The following MEGF8 variants were observed in gnomAD, a reference collection of about 807,000 sequenced individuals.
MEGF8 encodes multiple epidermal growth factor-like domains protein 8.
A neutral mutation model predicts 302.9 loss-of-function variants in MEGF8; 156 were observed. The ratio of observed to expected loss-of-function variants is 0.52; its 90% confidence interval spans 0.45 to 0.59. The LOEUF (loss-of-function observed/expected upper bound fraction) is 0.59, where lower values mean the gene tolerates loss of function less well. Ranked by LOEUF, MEGF8 falls within the 20% of genes least tolerant of loss-of-function variation. The probability of loss-of-function intolerance (pLI) is 0.00; values close to 1 mark genes in which losing one functional copy is unlikely to be tolerated. For synonymous variants in MEGF8, 1,621 were observed against 1,660.5 expected (o/e 0.98, Z 0.58); for missense variants, 3,345 against 3,964.5 (o/e 0.84, Z 4.20).
chr19:42,371,583 T>C, intron 41 of MEGF8, 101 bp downstream of exon 41: 1 of 1,502,736 alleles, frequency 6.7e-7, no homozygotes, highest in East Asian at 2.3e-5. Context: ...ACAACATGGT[T>C]CCAAATCAGT....
At chr19:42,327,139 A>G (rs1336978895) in intron 1 of MEGF8, among the ~76,000 whole-genome samples, 1 of 152,262 alleles carries the variant, frequency 6.6e-6, no homozygotes, top group Non-Finnish European at 1.5e-5. Context: ...GGTATTTAAC[A>G]TGCCTGATGT....
rs1332338461 is a variant in MEGF8 at position 42,368,996 on chromosome 19, T to C, written c.6635T>C (p.Met2212Thr). Residue 2212 changes from methionine (M) to threonine (T), a missense_variant, in exon 37 of 42, where the codon ATG (methionine) becomes ACG (threonine). By Grantham distance (81) the Met-to-Thr change is moderately conservative. Coordinates refer to ENST00000251268, the MANE Select transcript of MEGF8 (RefSeq NM_001271938.2). The surrounding 1 kb of genome is among the most constrained non-coding windows in gnomAD (Gnocchi z 4.9). ...YECSCKTGYT[M>T]DNMTGLCRPV... ...TGCAGCTGCAAGACCGGCTATACCA[T>C]GGACAAGTGAGGCCGCAGGCGGCGC... 18 of 1,613,358 alleles carry C rather than the reference T, an allele frequency of 1.1e-5. No homozygotes were observed. Among genetic ancestry groups the C allele is most frequent in the Non-Finnish European group, 1.4e-5 (16 of 1,179,804 alleles).
rs1489809452 is a variant in MEGF8 at position 42,358,754 on chromosome 19, G to A, written c.5176-33G>A. 7.4e-6 allele frequency: 11 copies of A among 1,489,048 alleles called. No homozygotes were observed. In the South Asian group the frequency reaches 9.8e-5, roughly 13 times the overall value. 92.2% of individuals were successfully genotyped at this position (1,489,048 alleles called of 1,614,324 possible). A position where few individuals can be genotyped will look rare whatever the true frequency, so the allele number is the denominator to read the frequency against. ...GGGCTAGAAGCAAGAGACTCGAGGA[G>A]CCTCAACCCCAGGACGCCCCCACTG... On this transcript the variant is annotated intron_variant, in intron 29 of 41. Coordinates refer to ENST00000251268, the MANE Select transcript of MEGF8 (RefSeq NM_001271938.2). The surrounding 1 kb of genome is among the most constrained non-coding windows in gnomAD (Gnocchi z 4.4).
chr19:42,367,290 CTTT>C (rs535905629), intron 35 of MEGF8, among the ~76,000 whole-genome samples: 4 of 140,144 alleles, frequency 2.9e-5, no homozygotes, highest in Admixed American at 7.1e-5. Flanking sequence ...TTCTTTCTTT[CTTT>C]TTTTTTTTTT....
rs372872052 is a variant in MEGF8, at chr19:42,371,908, C to T, written c.7269+426C>T. ...GACCAGCCTGGGCCATATAGTGCAACCCCATCTCTGAAAAAAAATTTAAAA... is the reference window on the plus strand; with the variant it reads ...GACCAGCCTGGGCCATATAGTGCAATCCCATCTCTGAAAAAAAATTTAAAA... On this transcript the variant is annotated intron_variant, in intron 41 of 41. Coordinates refer to ENST00000251268, the MANE Select transcript of MEGF8 (RefSeq NM_001271938.2). Among the ~76,000 whole-genome samples, 46 of 152,092 alleles carry T rather than the reference C, an allele frequency of 3.0e-4. 1 individual carries two copies. The highest frequency in any genetic ancestry group is 1.1e-3 in the African/African-American group (46 of 41,484).
rs1442834841 is a variant in MEGF8, at chr19:42,356,154, G to C, written c.4464G>C (p.Gln1488His). 20 of 1,565,154 alleles carry C rather than the reference G, an allele frequency of 1.3e-5. No individual in the cohort carries two copies. Among genetic ancestry groups the C allele is most frequent in the Non-Finnish European group, 1.7e-5 (20 of 1,154,162 alleles). Residue 1488 changes from glutamine (Q) to histidine (H), a missense_variant, in exon 25 of 42, where the codon CAG becomes CAC. Gln to His is a conservative substitution (Grantham distance 24). Transcript: ENST00000251268. The surrounding 1 kb of genome is among the most constrained non-coding windows in gnomAD (Gnocchi z 5.2). ...PDCATKLDGG[Q>H]LVWETLMDSR... ...GCGCCACCAAGCTGGATGGCGGGCA[G>C]CTGGTCTGGGAGACCCTCATGGACA...
At position 42,336,582 on chromosome 19, in the gene MEGF8, G is replaced by A. The variant is rs1394454157; in HGVS notation, c.1245-225G>A. Among the ~76,000 whole-genome samples, 3 of 152,180 alleles carry A rather than the reference G, an allele frequency of 2.0e-5. No homozygotes were observed. The highest frequency in any genetic ancestry group is 7.2e-5 in the African/African-American group (3 of 41,420). ...TTGCCTTCCACACACTCCCACCCAT[G>A]TATCTATTCAACAGAGCCCTGCTTG... is the stretch of plus-strand genomic sequence containing the variant. On this transcript the variant is annotated intron_variant, in intron 6 of 41. Transcript: ENST00000251268. This position sits in a 1 kb window ranked among gnomAD's most constrained non-coding sequence, Gnocchi z 4.8.
At position 42,334,213 on chromosome 19, in the gene MEGF8, G is replaced by A. The variant is rs1468704068; in HGVS notation, c.558G>A (p.Ser186=). The A allele has an allele frequency of 1.9e-6, 3 of 1,590,020 alleles. No individual in the cohort carries two copies. The highest frequency in any genetic ancestry group is 1.7e-5 in the Admixed American group (1 of 58,760). Residue 186 remains serine (S), a splice_region_variant and synonymous_variant, in exon 3 of 42, where the codon TCG becomes TCA. Transcript: ENST00000251268. ...AYCGSHGTCA[S]PLGPCRCEPG... is the part of the protein sequence containing the mutation. ...GTGGCAGCCACGGCACCTGCGCCTC[G>A]GTGAGCCGGTCCCCAGCCCTGTTTC...
In MEGF8 at chr19:42,335,392, AC is replaced by A. The variant is rs2147449280; in HGVS notation, c.828+11del. 1 of 1,613,144 alleles carries A rather than the reference AC, an allele frequency of 6.2e-7. No homozygotes were observed. The highest frequency in any genetic ancestry group is 8.5e-7 in the Non-Finnish European group (1 of 1,179,498). On this transcript the variant is annotated splice_region_variant and intron_variant, in intron 5 of 41. Transcript: ENST00000251268. ...GGACCTGAGTCCTGCCCCGGTATGG[AC>A]CCCTCCTCTGCCCTGGAGGAGCCTT...
Position 42,351,463 on chromosome 19 carries a change from A to G in MEGF8, c.2890A>G (p.Ser964Gly), listed in dbSNP as rs149088443. 3 of 1,600,870 alleles carry G rather than the reference A, an allele frequency of 1.9e-6. No homozygotes were observed. Among genetic ancestry groups the G allele is most frequent in the Non-Finnish European group, 1.7e-6 (2 of 1,174,176 alleles). ...CTGTGAGGACTGCCTGGCCAACTCT[A>G]GCCAGTGCGCCTGGTGCCAGTCCAC... is the stretch of plus-strand genomic sequence containing the variant. Reference protein sequence around the residue: ...LTCEDCLANSSQCAWCQSTHT... With the variant: ...LTCEDCLANSGQCAWCQSTHT... Residue 964 changes from serine (S) to glycine (G), a missense_variant, in exon 17 of 42, where the codon AGC (serine) becomes GGC (glycine). Transcript: ENST00000251268. The surrounding 1 kb of genome is among the most constrained non-coding windows in gnomAD (Gnocchi z 5.6).
rs112519292 is a variant in MEGF8 at position 42,369,011 on chromosome 19, G to A, written c.6641+9G>A. On this transcript the variant is annotated intron_variant, in intron 37 of 41. Transcript: ENST00000251268. This position sits in a 1 kb window ranked among gnomAD's most constrained non-coding sequence, Gnocchi z 5.7. ...GGCTATACCATGGACAAGTGAGGCC[G>A]CAGGCGGCGCTGGGGCCAGGCAGGC... 2.9e-4 allele frequency: 470 copies of A among 1,612,422 alleles called. 2 individuals are homozygous for A. The African/African-American group carries it at 4.6e-3, about 16-fold the overall frequency.
At chr19:42,355,102 G>A (rs1450356228) in intron 23 of MEGF8, among the ~76,000 whole-genome samples, 2 of 152,020 alleles carry the variant, frequency 1.3e-5, no homozygotes, top group African/African-American at 2.4e-5. Flanking sequence ...GATTACAGGC[G>A]CATGCCACCA....
intron 33 of MEGF8, 55 bp from the exon 34 acceptor site, chr19:42,362,329 C>T: frequency 1.2e-6 from 2 of 1,611,592 alleles, no homozygotes; most frequent in South Asian, 1.1e-5. Flanking sequence ...ACCGAGTTCT[C>T]AGCTGGCTCA....
At position 42,336,472 on chromosome 19, in the gene MEGF8, A is replaced by C. The variant is rs1481473332; in HGVS notation, c.1244+126A>C. ...TGGTCTCTCAGTCACTCCTTCCTTC[A>C]TGTATTTACTTATTCCTTCGTTCAC... is the stretch of plus-strand genomic sequence containing the variant. On this transcript the variant is annotated intron_variant, in intron 6 of 41. Transcript: ENST00000251268. The surrounding 1 kb of genome is among the most constrained non-coding windows in gnomAD (Gnocchi z 4.8). The C allele has an allele frequency of 5.0e-5, 49 of 984,072 alleles. No homozygotes were observed. Among genetic ancestry groups the C allele is most frequent in the Non-Finnish European group, 3.2e-5 (22 of 691,698 alleles). 61.0% of individuals were successfully genotyped at this position (984,072 alleles called of 1,614,324 possible).
intron 8 of MEGF8, 113 bp downstream of exon 8, chr19:42,337,319 T>G: frequency 6.8e-7 from 1 of 1,469,946 alleles, no homozygotes; most frequent in South Asian, 1.2e-5. Flanking sequence ...TCCAGGCCAG[T>G]TGGTGCCAGC....
At chr19:42,361,142 G>A in intron 32 of MEGF8, 136 bp downstream of exon 32, 1 of 917,280 alleles carries the variant, frequency 1.1e-6, no homozygotes, top group Admixed American at 3.4e-5. Flanking sequence ...CAGGCAGGGT[G>A]GCCGGGGGAG....
chr19:42,361,232 TAAAAG>T, intron 32 of MEGF8, among the ~76,000 whole-genome samples: 1 of 152,224 alleles, frequency 6.6e-6, no homozygotes, highest in African/African-American at 2.4e-5. Flanking sequence ...AACTGGGCCT[TAAAAG>T]AACGGTAGAG....
At position 42,333,705 on chromosome 19, in the gene MEGF8, G is replaced by A; in HGVS notation, c.288G>A (p.Gly96=). The change falls in exon 2 of 42, where the codon GGG becomes GGA. Residue 96 remains glycine (G), a synonymous_variant. Transcript: ENST00000251268. ...TGTATGACGGTGACTCCCCGCGAGG[G>A]CCGCTGCTTGCCAGTCTAAGTGGGA... ...LFVYDGDSPR[G]PLLASLSGST... 2 of 1,613,998 alleles carry A rather than the reference G, an allele frequency of 1.2e-6. No homozygotes were observed. Among genetic ancestry groups the A allele is most frequent in the Non-Finnish European group, 1.7e-6 (2 of 1,179,900 alleles).
Position 42,352,366 on chromosome 19 carries a change from C to T in MEGF8, c.3260C>T (p.Pro1087Leu), listed in dbSNP as rs781096678. 37 of 1,588,250 alleles carry T rather than the reference C, an allele frequency of 2.3e-5. No individual in the cohort carries two copies. The highest frequency in any genetic ancestry group is 4.0e-5 in the African/African-American group (3 of 74,412). ...ECRLGLARCH[P>L]RATCLNTPLS... Reference sequence around the variant, plus strand: ...CGCCTGGGCCTGGCCCGGTGCCACCCGCGGGCGACCTGCCTGAACACGCCC... The same window carrying T: ...CGCCTGGGCCTGGCCCGGTGCCACCTGCGGGCGACCTGCCTGAACACGCCC... Residue 1087 changes from proline to leucine, a missense_variant, in exon 19 of 42, where the codon CCG (proline) becomes CTG (leucine). Transcript: ENST00000251268. This position sits in a 1 kb window ranked among gnomAD's most constrained non-coding sequence, Gnocchi z 4.4.
Sources: gnomAD v4.1 joint callset for allele counts (sites outside exome capture counted in the v4.1 genomes callset) on GRCh38, gnomAD v4.1.1 for gene constraint, Gnocchi (gnomAD v3.1) non-coding constraint, MANE v1.5 for transcripts, NCBI Gene and HGNC (gene_info 2026-07-23, HGNC 2026-07-21) for gene names.